Variants in COL4A6 observed in about 807,000 individuals in gnomAD.
COL4A6 encodes the protein collagen alpha-6(IV) chain.
Under a neutral mutation model 126.7 loss-of-function variants are expected in COL4A6, and 59 were observed. The observed-to-expected ratio is 0.47, with a 90% CI of 0.38 to 0.58. The LOEUF (loss-of-function observed/expected upper bound fraction) is 0.58. Ranked by LOEUF, COL4A6 falls within the 20% of genes least tolerant of loss-of-function variation. COL4A6 has a pLI of 0.00. For missense variants in COL4A6, 1,285 were observed against 1,337.3 expected (o/e 0.96, Z 0.61); for synonymous variants, 547 against 496.6 (o/e 1.10, Z -1.35).
chrX:108,184,856 G>C (rs1291932042), intron 23 of COL4A6, among the ~76,000 whole-genome samples: 1 of 112,323 alleles, frequency 8.9e-6, no homozygotes, highest in Admixed American at 9.4e-5. Context: ...TCACTCAGCT[G>C]GTTCTCAAAT....
At position 108,171,263 on chromosome X, in the gene COL4A6, T is replaced by C. The variant is rs756318913; in HGVS notation, c.3277+124A>G. Reference sequence around the variant, plus strand: ...TAGGCTGATTTGCTTGGGGAATTGATAGATAGGAAATTTTCTGCACTGGAT... The same window carrying C: ...TAGGCTGATTTGCTTGGGGAATTGACAGATAGGAAATTTTCTGCACTGGAT... On this transcript the variant is annotated intron_variant, in intron 33 of 44. Coordinates refer to ENST00000334504, the MANE Select transcript of COL4A6 (RefSeq NM_033641.4). 47 of 552,013 alleles carry C rather than the reference T, an allele frequency of 8.5e-5. No homozygotes were observed. In the African/African-American group the frequency reaches 1.0e-3, roughly 12 times the overall value. The allele number at this position is 552,013 out of a possible 1,213,427, so 45.5% of individuals were successfully genotyped here.
chrX:108,268,241 C>G (rs1341456388), intron 3 of COL4A6: 1 of 112,116 alleles, frequency 8.9e-6, no homozygotes, highest in African/African-American at 3.2e-5. Context: ...AAGGAACAAT[C>G]AATAGATGCC....
At chrX:108,157,282 T>C in intron 44 of COL4A6, 22 bp from the exon 45 acceptor site, 1 of 1,197,554 alleles carries the variant, frequency 8.4e-7, no homozygotes, top group African/African-American at 1.7e-5. Context: ...AGGAGATTAG[T>C]GCATGAGCTG....
In COL4A6 at chrX:108,188,061, G is replaced by A. The variant is rs758878202; in HGVS notation, c.1588-34C>T. The A allele has an allele frequency of 2.7e-6, 3 of 1,122,490 alleles. No individual in the cohort carries two copies. In the South Asian group the frequency reaches 6.2e-5, roughly 23 times the overall value. 92.5% of individuals were successfully genotyped at this position (1,122,490 alleles called of 1,213,427 possible). ...GAAAAGAGAGAAGAGGGAGTAGTCA[G>A]AAGATGTAGACTTCATAGAATTCCG... On this transcript the variant is annotated intron_variant, in intron 21 of 44. Transcript: ENST00000334504.
At chrX:108,234,362 C>G (rs1313686557) in intron 3 of COL4A6, among the ~76,000 whole-genome samples, 1 of 111,794 alleles carries the variant, frequency 8.9e-6, no homozygotes, top group Non-Finnish European at 1.9e-5. Context: ...AACCCTGGGT[C>G]TGGAGTGTAT....
In COL4A6 at chrX:108,175,868, G is replaced by A; in HGVS notation, c.2687-71C>T. 4 of 944,070 alleles carry A rather than the reference G, an allele frequency of 4.2e-6. No individual in the cohort carries two copies. The South Asian group carries it at 9.2e-5, about 22-fold the overall frequency. The allele number at this position is 944,070 out of a possible 1,213,427, so 77.8% of individuals were successfully genotyped here. ...CAGGAAATGGAGGCTCAGGGAGGTT[G>A]AGTAACTTGCCCAAAGTCATACAGC... On this transcript the variant is annotated intron_variant, in intron 28 of 44. Transcript: ENST00000334504.
intron 13 of COL4A6, among the ~76,000 whole-genome samples, chrX:108,197,900 C>T (rs1485676273): frequency 1.8e-5 from 2 of 110,019 alleles, no homozygotes; most frequent in Non-Finnish European, 3.8e-5. Context: ...GCTCAGCCTT[C>T]ATGCTACATT....
chrX:108,395,172 T>A (rs1306367750), intron 2 of COL4A6, among the ~76,000 whole-genome samples: 1 of 111,601 alleles, frequency 9.0e-6, no homozygotes, highest in East Asian at 2.8e-4. Flanking sequence ...AATGCACTAC[T>A]GAAAGATCAA....
At chrX:108,251,513 A>G (rs948810661) in intron 3 of COL4A6, among the ~76,000 whole-genome samples, 7 of 111,691 alleles carry the variant, frequency 6.3e-5, no homozygotes, top group Non-Finnish European at 1.1e-4. Flanking sequence ...CTAATCGTAT[A>G]TGTTAACTTC....
intron 2 of COL4A6, among the ~76,000 whole-genome samples, chrX:108,378,772 C>T (rs2040499185): frequency 8.8e-6 from 1 of 113,198 alleles, no homozygotes; most frequent in Admixed American, 9.3e-5. Flanking sequence ...CAAACTATGG[C>T]CCCCTGGGCC....
chrX:108,433,281 T>C (rs887141542), intron 2 of COL4A6, among the ~76,000 whole-genome samples: 4 of 111,785 alleles, frequency 3.6e-5, no homozygotes, highest in African/African-American at 1.3e-4. Flanking sequence ...ATTACTATTT[T>C]CCCTTGAGCA....
chrX:108,239,390 T>A (rs1394076454), intron 3 of COL4A6, among the ~76,000 whole-genome samples: 1 of 112,202 alleles, frequency 8.9e-6, no homozygotes, highest in Admixed American at 9.5e-5. Flanking sequence ...CCAACTCTAT[T>A]TTTCTCCAGA....
intron 3 of COL4A6, among the ~76,000 whole-genome samples, chrX:108,240,804 A>C (rs2036552196): frequency 8.9e-6 from 1 of 112,645 alleles, no homozygotes; most frequent in Non-Finnish European, 1.9e-5. Context: ...ATAGTGCTTC[A>C]AATTAAATAT....
rs1317654601 is a variant in COL4A6 at position 108,322,657 on chromosome X, TAA to T, written c.64-11831_64-11830del. On this transcript the variant is annotated intron_variant, in intron 2 of 44. Transcript: ENST00000334504. ...AACTAAATGTTGCCCGTAATGTTCT[TAA>T]AACAGAAGCCTCTTTTTCCTCTGTT... 3.6e-5 allele frequency among the ~76,000 whole-genome samples: 4 copies of T among 112,161 alleles called. No individual in the cohort carries two copies. The East Asian group carries it at 1.1e-3, about 32-fold the overall frequency.
intron 2 of COL4A6, among the ~76,000 whole-genome samples, chrX:108,378,097 T>C (rs1909247723): frequency 9.0e-6 from 1 of 110,723 alleles, no homozygotes; most frequent in Non-Finnish European, 1.9e-5. Context: ...TTTCATGTAG[T>C]GGCTTTATAT....
intron 40 of COL4A6, 51 bp downstream of exon 40, chrX:108,164,549 C>T (rs1364287634): frequency 9.0e-7 from 1 of 1,110,590 alleles, no homozygotes; most frequent in African/African-American, 1.8e-5. Context: ...ACCTTACCAC[C>T]AGGCCCCTCC....
upstream of COL4A6, chrX:108,438,429 A>C (rs773127955): frequency 3.0e-4 from 302 of 1,012,893 alleles, no homozygotes; most frequent in Admixed American, 5.4e-4. Context: ...AGATAGTTCC[A>C]TGCAGCAGGA....
chrX:108,425,690 C>T (rs1426049027), intron 2 of COL4A6, among the ~76,000 whole-genome samples: 1 of 108,399 alleles, frequency 9.2e-6, no homozygotes, highest in East Asian at 2.9e-4. Context: ...GCCGAGATCG[C>T]ACCACTGCAC....
At chrX:108,159,410 T>A in intron 44 of COL4A6, 52 bp downstream of exon 44, 2 of 1,184,923 alleles carry the variant, frequency 1.7e-6, no homozygotes, top group Non-Finnish European at 2.3e-6. Context: ...TGGGAACCAG[T>A]CCAAGGGGCC....
Sources: allele counts gnomAD v4.1 joint callset (sites outside exome capture counted in the v4.1 genomes callset), GRCh38; gene constraint gnomAD v4.1.1; transcripts MANE v1.5; gene names NCBI Gene and HGNC (gene_info 2026-07-23, HGNC 2026-07-21).